PRMT7: variants seen among roughly 807,000 people sequenced by gnomAD.
The protein encoded by PRMT7 is protein arginine N-methyltransferase 7.
Under a neutral mutation model 85.4 loss-of-function variants are expected in PRMT7, and 75 were observed. The ratio of observed to expected loss-of-function variants is 0.88; its 90% CI spans 0.73 to 1.06. The LOEUF (loss-of-function observed/expected upper bound fraction) is 1.06. PRMT7 is among the 50% of genes least tolerant of loss of function. The pLI, the probability that PRMT7 is intolerant of heterozygous loss-of-function variation, is 0.00. For synonymous variants in PRMT7, 397 were observed against 359.5 expected, an observed-to-expected ratio of 1.10 and a Z score of -1.18; for missense variants, 868 against 915.2, an observed-to-expected ratio of 0.95 and a Z score of 0.67.
chr16:68,333,692 A>G (rs1285351003), intron 6 of PRMT7, among the ~76,000 whole-genome samples: 1 of 152,126 alleles, frequency 6.6e-6, no homozygotes, highest in East Asian at 1.9e-4. Context: ...AGCCTTGGCC[A>G]TGAAGTATGC....
chr16:68,325,334 C>CA (rs1360982623), intron 5 of PRMT7, among the ~76,000 whole-genome samples: 1 of 152,108 alleles, frequency 6.6e-6, no homozygotes, highest in African/African-American at 2.4e-5. Context: ...TGTAAGAAAG[C>CA]AAAAAATTAC....
At chr16:68,340,063 T>TA in intron 9 of PRMT7, 95 bp downstream of exon 9, 1 of 1,299,630 alleles carries the variant, frequency 7.7e-7, no homozygotes. Context: ...CAGGAGAATT[T>TA]AGAGACAGGA....
At chr16:68,348,831 G>A (rs146147177) in intron 14 of PRMT7, among the ~76,000 whole-genome samples, 211 of 151,822 alleles carry the variant, frequency 1.4e-3, no homozygotes, top group Middle Eastern at 0.014. Flanking sequence ...TAGAGTCAGC[G>A]TTTCATCATG....
chr16:68,319,424 G>A (rs1050764155), intron 3 of PRMT7, among the ~76,000 whole-genome samples: 1 of 152,112 alleles, frequency 6.6e-6, no homozygotes, highest in African/African-American at 2.4e-5. Context: ...GAGTGAGCTG[G>A]TGGTGGTTAC....
intron 6 of PRMT7, among the ~76,000 whole-genome samples, chr16:68,332,412 T>G (rs2084027224): frequency 6.6e-6 from 1 of 152,200 alleles, no homozygotes; most frequent in African/African-American, 2.4e-5. Flanking sequence ...GAACCACTGC[T>G]CTAAGGCTGT....
At chr16:68,321,256 G>A (rs933776445) in intron 3 of PRMT7, among the ~76,000 whole-genome samples, 170 bp from the exon 4 acceptor site, 1 of 151,664 alleles carries the variant, frequency 6.6e-6, no homozygotes, top group Non-Finnish European at 1.5e-5. Context: ...GTGATGGGGT[G>A]AGACCCTGTC....
Position 68,311,082 on chromosome 16 carries a change from G to A in PRMT7, c.-236G>A. 1.3e-6 allele frequency: 1 copy of A among 756,192 alleles called. No homozygotes were observed. Among genetic ancestry groups the A allele is most frequent in the Non-Finnish European group, 2.3e-6 (1 of 437,206 alleles). The allele number at this position is 756,192 out of a possible 1,614,324, so 46.8% of individuals were successfully genotyped here. On this transcript the variant is annotated 5_prime_UTR_variant, in exon 1 of 19. Transcript: ENST00000441236. ...AAAGTGGTAGCAGCGGAGGCGAGCG[G>A]AGGGTTTCCCGCGGCGGGTGAGGCG... is the stretch of plus-strand genomic sequence containing the variant.
intron 2 of PRMT7, among the ~76,000 whole-genome samples, chr16:68,314,164 T>G (rs1302500836): frequency 6.6e-6 from 1 of 152,194 alleles, no homozygotes; most frequent in Non-Finnish European, 1.5e-5. Context: ...CCTGGACAAA[T>G]TGTCTACTTT....
At chr16:68,341,321 G>C (rs2085499775) in intron 9 of PRMT7, among the ~76,000 whole-genome samples, 1 of 152,202 alleles carries the variant, frequency 6.6e-6, no homozygotes, top group Admixed American at 6.5e-5. Context: ...TTGCAATAAA[G>C]ACTTTAATTG....
In PRMT7 at chr16:68,357,354, C is replaced by A; in HGVS notation, c.*130C>A. ...GGCCTCAGGGATGGGAAAGACTGCG[C>A]CGTGTTGCATCTTGTTGCATCTTTG... On this transcript the variant is annotated 3_prime_UTR_variant, in exon 19 of 19. Coordinates refer to ENST00000441236, the MANE Select transcript of PRMT7 (RefSeq NM_019023.5). 1 of 1,008,188 alleles carries A rather than the reference C, an allele frequency of 9.9e-7. No homozygotes were observed. Among genetic ancestry groups the A allele is most frequent in the Non-Finnish European group, 1.4e-6 (1 of 696,002 alleles). 62.5% of individuals were successfully genotyped at this position (1,008,188 alleles called of 1,614,324 possible). A position where few individuals can be genotyped will look rare whatever the true frequency, so the allele number is the denominator to read the frequency against.
intron 6 of PRMT7, among the ~76,000 whole-genome samples, chr16:68,335,069 T>C (rs755131905): frequency 6.6e-6 from 1 of 152,208 alleles, no homozygotes; most frequent in Admixed American, 6.5e-5. Flanking sequence ...AGTGCTGGAA[T>C]TACAGGTGTG....
intron 5 of PRMT7, among the ~76,000 whole-genome samples, chr16:68,327,940 AAAAG>A (rs2083323668): frequency 1.3e-5 from 2 of 152,056 alleles, no homozygotes; most frequent in African/African-American, 2.4e-5. Context: ...AAAAAAAAAA[AAAAG>A]AAAAATTAAA....
intron 17 of PRMT7, 27 bp from the exon 18 acceptor site, chr16:68,356,674 T>A (rs761216156): frequency 2.5e-6 from 4 of 1,587,084 alleles, no homozygotes; most frequent in African/African-American, 2.7e-5. Context: ...TGTGACTACT[T>A]CTGCTGGGCC....
chr16:68,358,489 A>G lies in PRMT7; in HGVS notation c.*1265A>G, dbSNP rs933343969. On this transcript the variant is annotated 3_prime_UTR_variant, in exon 19 of 19. Coordinates refer to ENST00000441236, the MANE Select transcript of PRMT7 (RefSeq NM_019023.5). ...TATATATTTGATAATGTTTTTACCA[A>G]AACCATAGGTGTGCTTACCATAGAA... is the stretch of plus-strand genomic sequence containing the variant. 6.5e-6 allele frequency: 1 copy of G among 152,808 alleles called. No homozygotes were observed. Among genetic ancestry groups the G allele is most frequent in the Non-Finnish European group, 1.5e-5 (1 of 68,040 alleles). 9.5% of individuals were successfully genotyped at this position (152,808 alleles called of 1,614,324 possible).
rs140753512 is a variant in PRMT7, at chr16:68,353,539, C to T, written c.1623C>T (p.Asp541=). The change falls in exon 16 of 19, where the codon GAC becomes GAT. Residue 541 remains aspartate, a synonymous_variant. Coordinates refer to ENST00000441236, the MANE Select transcript of PRMT7 (RefSeq NM_019023.5). ...RSPCGDCEGF[D]VHIMDDMIKR... ...CCTGTGGTGACTGCGAAGGCTTCGA[C>T]GTGCACATCATGGACGACATGATTA... The T allele has an allele frequency of 2.9e-5, 46 of 1,599,496 alleles. No individual in the cohort carries two copies. Among genetic ancestry groups the T allele is most frequent in the African/African-American group, 2.2e-4 (16 of 74,226 alleles).
In PRMT7 at chr16:68,357,318, G is replaced by C. The variant is rs2088765707; in HGVS notation, c.*94G>C. 7.4e-6 allele frequency: 10 copies of C among 1,353,822 alleles called. No homozygotes were observed. The highest frequency in any genetic ancestry group is 1.0e-5 in the Non-Finnish European group (10 of 990,440). 83.9% of individuals were successfully genotyped at this position (1,353,822 alleles called of 1,614,324 possible). A position where few individuals can be genotyped will look rare whatever the true frequency, so the allele number is the denominator to read the frequency against. On this transcript the variant is annotated 3_prime_UTR_variant, in exon 19 of 19. Coordinates refer to ENST00000441236, the MANE Select transcript of PRMT7 (RefSeq NM_019023.5). The stretch of plus-strand genomic sequence containing the variant: ...GGCTGAAGGCCCTCCTCTCCTCTCT[G>C]GGAGCTGCTCGGCCTCAGGGATGGG...
At chr16:68,325,779 AGACT>A (rs2083040658) in intron 5 of PRMT7, among the ~76,000 whole-genome samples, 1 of 152,168 alleles carries the variant, frequency 6.6e-6, no homozygotes, top group African/African-American at 2.4e-5. Context: ...CGACAGAGTG[AGACT>A]CCATCTCAAA....
intron 4 of PRMT7, chr16:68,322,541 G>A: frequency 6.6e-6 from 2 of 301,240 alleles, no homozygotes; most frequent in Admixed American, 7.5e-5. Flanking sequence ...TTCTAGTCTA[G>A]GGTTATGAAC....
At chr16:68,333,773 T>C (rs887035182) in intron 6 of PRMT7, among the ~76,000 whole-genome samples, 10 of 152,040 alleles carry the variant, frequency 6.6e-5, no homozygotes, top group Non-Finnish European at 1.5e-4. Context: ...TGATTTCTTA[T>C]TAAAAAAAAA....
Sources: gnomAD v4.1 joint callset for allele counts (sites outside exome capture counted in the v4.1 genomes callset) on GRCh38, gnomAD v4.1.1 for gene constraint, MANE v1.5 for transcripts, NCBI Gene and HGNC (gene_info 2026-07-23, HGNC 2026-07-21) for gene names.